Variants in GPC5 observed in about 807,000 individuals in gnomAD.
The protein encoded by GPC5 is glypican-5.
GPC5 carries 47 observed loss-of-function variants against 53.9 expected under a neutral mutation model. That is an observed-to-expected ratio of 0.87 (90% confidence interval 0.69 to 1.11). The LOEUF is 1.11. Ranked by LOEUF, GPC5 falls within the 50% of genes most tolerant of loss-of-function variation. GPC5 has a pLI of 0.00. For synonymous variants in GPC5, 286 were observed against 263.3 expected, an observed-to-expected ratio of 1.09 and a Z score of -0.84; for missense variants, 748 against 713.1, an observed-to-expected ratio of 1.05 and a Z score of -0.56.
chr13:92,556,806 C>A (rs753978083), intron 7 of GPC5, among the ~76,000 whole-genome samples: 1 of 151,826 alleles, frequency 6.6e-6, no homozygotes, highest in Non-Finnish European at 1.5e-5. Context: ...AATCATCTTT[C>A]ATTGTATTTC....
chr13:92,111,987 T>C (rs2041560711), intron 6 of GPC5, among the ~76,000 whole-genome samples: 1 of 152,162 alleles, frequency 6.6e-6, no homozygotes, highest in Non-Finnish European at 1.5e-5. Flanking sequence ...CATGATTAGA[T>C]GGATAAGAAA....
chr13:91,878,761 A>G (rs1594635974), intron 5 of GPC5, among the ~76,000 whole-genome samples: 3 of 151,936 alleles, frequency 2.0e-5, no homozygotes, highest in Admixed American at 1.3e-4. Context: ...GTTTCCTGAG[A>G]CCTCCCCAGC....
chr13:91,435,529 A>G lies in GPC5; in HGVS notation c.164-13232A>G, dbSNP rs547947174. Among the ~76,000 whole-genome samples the G allele has an allele frequency of 7.9e-5, 12 of 152,290 alleles. No homozygotes were observed. The East Asian group carries it at 2.1e-3, about 27-fold the overall frequency. On this transcript the variant is annotated intron_variant, in intron 1 of 7. Coordinates refer to ENST00000377067, the MANE Select transcript of GPC5 (RefSeq NM_004466.6). ...GTTGAACCAGCCTTGCATCCCAGGG[A>G]TGAAGCCCACTTGATCATGGTGGAT...
rs925147362 is a variant in GPC5 at position 92,365,659 on chromosome 13, C to A, written c.1561+220670C>A. 1.1e-4 allele frequency among the ~76,000 whole-genome samples: 16 copies of A among 150,544 alleles called. No individual in the cohort carries two copies. In the East Asian group the frequency reaches 3.1e-3, roughly 29 times the overall value. ...CCTTTTTACTATTTTTAAATTTTTT[C>A]TTTTCTTTTTTTTTTTACTTTGTAA... On this transcript the variant is annotated intron_variant, in intron 7 of 7. Transcript: ENST00000377067.
intron 6 of GPC5, among the ~76,000 whole-genome samples, chr13:92,067,891 T>C (rs1175826098): frequency 1.3e-5 from 2 of 152,002 alleles, no homozygotes; most frequent in Admixed American, 1.3e-4. Flanking sequence ...CAGTAGTTAA[T>C]TTTAAGACAA....
At chr13:92,381,878 GATTATATATATTATATATAATC>G (rs1304036682) in intron 7 of GPC5, among the ~76,000 whole-genome samples, 2 of 76,150 alleles carry the variant, frequency 2.6e-5, no homozygotes, top group African/African-American at 1.1e-4. Flanking sequence ...TCATATATAT[GATTATATATATTATATATAATC>G]ATATATATGA....
chr13:92,102,916 G>A (rs2041478549), intron 6 of GPC5, among the ~76,000 whole-genome samples: 1 of 152,186 alleles, frequency 6.6e-6, no homozygotes, highest in Admixed American at 6.5e-5. Flanking sequence ...AGGCTGGAAA[G>A]CAGTGACACC....
At chr13:91,896,004 C>T (rs992469379) in intron 5 of GPC5, among the ~76,000 whole-genome samples, 46 of 152,082 alleles carry the variant, frequency 3.0e-4, no homozygotes, top group African/African-American at 9.9e-4. Flanking sequence ...TTGTCTTCTC[C>T]ATTTCTGTCT....
rs879472307 is a variant in GPC5 at position 91,493,630 on chromosome 13, G to A, written c.325+44708G>A. On this transcript the variant is annotated intron_variant, in intron 2 of 7. Transcript: ENST00000377067. ...TGCTCTTGAAATAAAAAACCAACTCGCAAGGGGGCCCTCGAGGCTGCCTGA... is the reference window on the plus strand; with the variant it reads ...TGCTCTTGAAATAAAAAACCAACTCACAAGGGGGCCCTCGAGGCTGCCTGA... Among the ~76,000 whole-genome samples, 5 of 151,906 alleles carry A rather than the reference G, an allele frequency of 3.3e-5. 1 individual carries two copies. Among genetic ancestry groups the A allele is most frequent in the South Asian group, 4.2e-4 (2 of 4,810 alleles).
At chr13:91,761,751 A>G (rs997088187) in intron 5 of GPC5, among the ~76,000 whole-genome samples, 24 of 152,292 alleles carry the variant, frequency 1.6e-4, no homozygotes, top group African/African-American at 5.5e-4. Flanking sequence ...CTTTGTGTTC[A>G]GCTATCCAGA....
intron 6 of GPC5, among the ~76,000 whole-genome samples, chr13:91,954,736 A>G (rs534541487): frequency 6.6e-6 from 1 of 152,200 alleles, no homozygotes; most frequent in Non-Finnish European, 1.5e-5. Flanking sequence ...ACTGTAGTAG[A>G]TACTCAATAA....
At chr13:92,837,085 G>C (rs1878245447) in intron 7 of GPC5, among the ~76,000 whole-genome samples, 1 of 152,106 alleles carries the variant, frequency 6.6e-6, no homozygotes, top group African/African-American at 2.4e-5. Context: ...AGAAAACCTT[G>C]CAAGCTTCCA....
chr13:92,225,247 C>T (rs1383650897), intron 7 of GPC5, among the ~76,000 whole-genome samples: 1 of 152,148 alleles, frequency 6.6e-6, no homozygotes, highest in East Asian at 1.9e-4. Flanking sequence ...CATTAATCGA[C>T]CTTATATTAT....
intron 2 of GPC5, among the ~76,000 whole-genome samples, chr13:91,579,181 G>C (rs1166764055): frequency 6.6e-6 from 1 of 152,142 alleles, no homozygotes; most frequent in Non-Finnish European, 1.5e-5. Flanking sequence ...TGTCACATGT[G>C]GGATTCAACC....
intron 5 of GPC5, among the ~76,000 whole-genome samples, chr13:91,772,890 T>C (rs764631297): frequency 1.7e-4 from 26 of 152,210 alleles, no homozygotes; most frequent in Non-Finnish European, 2.8e-4. Context: ...TGGGGACCAC[T>C]GCCTTTGGCC....
At chr13:92,609,548 A>T (rs1488136343) in intron 7 of GPC5, among the ~76,000 whole-genome samples, 1 of 152,184 alleles carries the variant, frequency 6.6e-6, no homozygotes, top group Non-Finnish European at 1.5e-5. Flanking sequence ...TGATGAGGCC[A>T]GTTAACGTAA....
At chr13:91,743,866 T>C (rs2036990391) in intron 4 of GPC5, among the ~76,000 whole-genome samples, 1 of 152,190 alleles carries the variant, frequency 6.6e-6, no homozygotes, top group Non-Finnish European at 1.5e-5. Flanking sequence ...AAGGTATCTC[T>C]TTTTGTTTTT....
chr13:91,719,150 G>C (rs564358149), intron 3 of GPC5, among the ~76,000 whole-genome samples: 1 of 152,138 alleles, frequency 6.6e-6, no homozygotes, highest in African/African-American at 2.4e-5. Context: ...AAATGTCAAA[G>C]GATGGACAGA....
chr13:92,320,168 A>G (rs915483508), intron 7 of GPC5, among the ~76,000 whole-genome samples: 50 of 152,264 alleles, frequency 3.3e-4, no homozygotes, highest in African/African-American at 1.1e-3. Flanking sequence ...TTCTTTTGCT[A>G]TGGCTCTAAA....
Sources: allele counts gnomAD v4.1 joint callset (sites outside exome capture counted in the v4.1 genomes callset), GRCh38; gene constraint gnomAD v4.1.1; transcripts MANE v1.5; gene names NCBI Gene and HGNC (gene_info 2026-07-23, HGNC 2026-07-21).